PCSK5: variants seen among roughly 807,000 people sequenced by gnomAD.
PCSK5 encodes prohormone convertase 5.
In PCSK5, 129 loss-of-function variants were observed where a neutral mutation model predicts 233.2. The observed-to-expected ratio is 0.55, with a 90% confidence interval of 0.48 to 0.64. PCSK5 has a LOEUF of 0.64. Ranked by LOEUF, PCSK5 falls within the 30% of genes least tolerant of loss-of-function variation. The pLI is 0.00. For synonymous variants in PCSK5, 825 were observed against 879.2 expected (o/e 0.94, Z 1.09); for missense variants, 2,076 against 2,430.1 (o/e 0.85, Z 3.06).
intron 3 of PCSK5, among the ~76,000 whole-genome samples, chr9:76,016,378 T>C (rs1827950022): frequency 6.6e-6 from 1 of 152,176 alleles, no homozygotes; most frequent in Non-Finnish European, 1.5e-5. Flanking sequence ...GATTGGAATG[T>C]AGTAAGTGAG....
In PCSK5 at chr9:75,908,925, C is replaced by CTATCTATCTA. The variant is rs1554704504; in HGVS notation, c.192+17553_192+17554insATCTATCTAT. Among the ~76,000 whole-genome samples the CTATCTATCTA allele has an allele frequency of 3.9e-3, 406 of 103,810 alleles. 4 individuals carry two copies. Among genetic ancestry groups the CTATCTATCTA allele is most frequent in the African/African-American group, 4.6e-3 (134 of 28,830 alleles). The allele number at this position is 103,810 out of a possible 152,430, so 68.1% of individuals were successfully genotyped here. On this transcript the variant is annotated intron_variant, in intron 1 of 37. Transcript: ENST00000674117. ...TATCTATCTATCTATCTATCTATCT[C>CTATCTATCTA]TCTATCTCTCTCTCTGTCTATCTAT... is the stretch of plus-strand genomic sequence containing the variant.
At chr9:76,130,425 A>C (rs934673952) in intron 9 of PCSK5, among the ~76,000 whole-genome samples, 7 of 152,320 alleles carry the variant, frequency 4.6e-5, no homozygotes, top group African/African-American at 1.2e-4. Flanking sequence ...TATACAGCCA[A>C]GTCCAGCTGG....
intron 2 of PCSK5, among the ~76,000 whole-genome samples, chr9:75,967,473 G>A (rs902137756): frequency 3.3e-5 from 5 of 152,180 alleles, no homozygotes; most frequent in African/African-American, 4.8e-5. Context: ...TGTATGTGGA[G>A]AGCAACATTT....
chr9:76,332,665 A>G, intron 34 of PCSK5, 55 bp downstream of exon 34: 2 of 1,277,600 alleles, frequency 1.6e-6, no homozygotes, highest in Non-Finnish European at 2.2e-6. Flanking sequence ...GCAGATATCA[A>G]CCCATTTTAC....
At chr9:76,260,756 G>T (rs1328116595) in intron 24 of PCSK5, among the ~76,000 whole-genome samples, 1 of 152,118 alleles carries the variant, frequency 6.6e-6, no homozygotes, top group Admixed American at 6.6e-5. Flanking sequence ...TAACCTACAG[G>T]ACTGTGACAT....
At chr9:76,232,247 G>A (rs528615917) in intron 21 of PCSK5, among the ~76,000 whole-genome samples, 3 of 152,310 alleles carry the variant, frequency 2.0e-5, no homozygotes, top group Admixed American at 6.5e-5. Flanking sequence ...GAGTAGTAGA[G>A]AGAAAAAGAC....
At chr9:76,132,702 A>G (rs1273263420) in intron 9 of PCSK5, among the ~76,000 whole-genome samples, 1 of 152,096 alleles carries the variant, frequency 6.6e-6, no homozygotes, top group African/African-American at 2.4e-5. Flanking sequence ...ACCAGGCACA[A>G]GGTTAAGTAC....
Position 75,999,290 on chromosome 9 carries a change from C to T in PCSK5, c.411+13045C>T, listed in dbSNP as rs117477339. On this transcript the variant is annotated intron_variant, in intron 3 of 37. Transcript: ENST00000674117. ...GTGTTCTCATTGTTCAATGTGGAGT[C>T]GGTCGGGAGACCCTAACCCAGCGGG... 5.9e-4 allele frequency among the ~76,000 whole-genome samples: 89 copies of T among 151,998 alleles called. 1 individual carries two copies. In the East Asian group the frequency reaches 0.017, roughly 28 times the overall value.
At chr9:76,114,138 T>C (rs1016343544) in intron 9 of PCSK5, among the ~76,000 whole-genome samples, 5 of 152,086 alleles carry the variant, frequency 3.3e-5, no homozygotes, top group Admixed American at 2.6e-4. Context: ...GTATGAATGC[T>C]TGGGGTATAC....
chr9:76,319,366 T>C (rs980051036), intron 30 of PCSK5, among the ~76,000 whole-genome samples: 1 of 149,080 alleles, frequency 6.7e-6, no homozygotes, highest in African/African-American at 2.5e-5. Flanking sequence ...ATAGTCATAA[T>C]ACAAATTAGA....
At chr9:76,013,677 A>G (rs1318552695) in intron 3 of PCSK5, among the ~76,000 whole-genome samples, 1 of 152,220 alleles carries the variant, frequency 6.6e-6, no homozygotes, top group Non-Finnish European at 1.5e-5. Context: ...TGATTGCAGA[A>G]TGAATGAAGG....
At chr9:76,335,684 A>G (rs1316784235) in intron 34 of PCSK5, among the ~76,000 whole-genome samples, 1 of 152,140 alleles carries the variant, frequency 6.6e-6, no homozygotes, top group African/African-American at 2.4e-5. Flanking sequence ...TTAAAAACCT[A>G]CTTAGAATTG....
intron 8 of PCSK5, among the ~76,000 whole-genome samples, chr9:76,103,661 A>G (rs1205966631): frequency 1.3e-5 from 2 of 152,202 alleles, no homozygotes; most frequent in Non-Finnish European, 2.9e-5. Flanking sequence ...CATCCCTAAC[A>G]TAGTGGAGTC....
chr9:76,317,004 T>G (rs148646145), intron 30 of PCSK5, among the ~76,000 whole-genome samples: 2,566 of 152,268 alleles, frequency 0.017, 29 homozygotes, highest in Admixed American at 0.026. Flanking sequence ...TTTATCTGGA[T>G]GCTATTTCTT....
At chr9:76,163,164 T>G (rs1822942144) in intron 12 of PCSK5, among the ~76,000 whole-genome samples, 2 of 152,228 alleles carry the variant, frequency 1.3e-5, no homozygotes, top group South Asian at 4.1e-4. Context: ...CCAGAAGTCC[T>G]CATTTACTTA....
chr9:76,160,252 A>G (rs750793003), intron 12 of PCSK5, among the ~76,000 whole-genome samples: 1 of 152,154 alleles, frequency 6.6e-6, no homozygotes, highest in South Asian at 2.1e-4. Flanking sequence ...TGCTGAGACA[A>G]TGTGGCCAGA....
At chr9:75,908,590 C>T (rs1661544873) in intron 1 of PCSK5, among the ~76,000 whole-genome samples, 1 of 152,120 alleles carries the variant, frequency 6.6e-6, no homozygotes, top group Admixed American at 6.5e-5. Context: ...ACTATTTTGC[C>T]ATTCTGTGCA....
rs1829357608 is a variant in PCSK5 at position 76,326,307 on chromosome 9, G to A, written c.4340-1702G>A. 2.0e-5 allele frequency among the ~76,000 whole-genome samples: 3 copies of A among 152,172 alleles called. No homozygotes were observed. The East Asian group carries it at 5.8e-4, about 29-fold the overall frequency. On this transcript the variant is annotated intron_variant, in intron 32 of 37. Transcript: ENST00000674117. The stretch of plus-strand genomic sequence containing the variant: ...AGGCTGAGATGGGGGGATCACTTTA[G>A]CCTGGGAGGTCAATGTTTCAGTGAG...
intron 25 of PCSK5, among the ~76,000 whole-genome samples, chr9:76,294,194 C>CAAA (rs11415964): frequency 9.0e-5 from 9 of 99,842 alleles, no homozygotes; most frequent in African/African-American, 2.4e-4. Context: ...GATTTAGTCT[C>CAAA]AAAAAAAAAA....
Sources: allele counts gnomAD v4.1 joint callset (sites outside exome capture counted in the v4.1 genomes callset), GRCh38; gene constraint gnomAD v4.1.1; transcripts MANE v1.5; gene names NCBI Gene and HGNC (gene_info 2026-07-23, HGNC 2026-07-21).